The following NOTCH3 variants were observed in gnomAD, a reference collection of about 807,000 sequenced individuals.
NOTCH3 encodes neurogenic locus notch homolog protein 3.
Under a neutral mutation model 213.3 loss-of-function variants are expected in NOTCH3, and 86 were observed. That is an observed-to-expected ratio of 0.40 (90% CI 0.34 to 0.48). The LOEUF (loss-of-function observed/expected upper bound fraction) is 0.48, where lower values mean the gene tolerates loss of function less well. Among genes scored for constraint, NOTCH3 ranks in the 20% least tolerant of loss-of-function variants. NOTCH3 has a pLI of 0.57. For synonymous variants in NOTCH3, 1,354 were observed against 1,355.9 expected (o/e 1.00, Z 0.03); for missense variants, 2,783 against 3,272.6 (o/e 0.85, Z 3.65).
chr19:15,170,263 G>A (rs1331828503), intron 27 of NOTCH3, 68 bp downstream of exon 27: 1 of 1,535,718 alleles, frequency 6.5e-7, no homozygotes, highest in East Asian at 2.3e-5. Context: ...GTCTGAGTCA[G>A]GTCAAGGCGG....
Position 15,178,922 on chromosome 19 carries a change from G to A in NOTCH3, c.3738C>T (p.Val1246=), listed in dbSNP as rs1376695360. The A allele has an allele frequency of 6.2e-7, 1 of 1,613,806 alleles. No individual in the cohort carries two copies. The highest frequency in any genetic ancestry group is 1.7e-5 in the Admixed American group (1 of 59,980). The change falls in exon 23 of 33, where the codon GTC becomes GTT. Residue 1246 remains valine (V), a synonymous_variant. Coordinates refer to ENST00000263388, the MANE Select transcript of NOTCH3 (RefSeq NM_000435.3). The part of the protein sequence containing the change: ...AGFSGPRCQT[V]LSPCESQPCQ... ...ATGGCTGGGACTCGCAGGGAGACAG[G>A]ACAGTCTGACAGCGAGGACCTGAGC...
In NOTCH3 at chr19:15,165,685, C is replaced by T; in HGVS notation, c.5667+102G>A. The T allele has an allele frequency of 7.0e-7, 1 of 1,435,328 alleles. No homozygotes were observed. Among genetic ancestry groups the T allele is most frequent in the Non-Finnish European group, 9.5e-7 (1 of 1,050,210 alleles). The allele number at this position is 1,435,328 out of a possible 1,614,324, so 88.9% of individuals were successfully genotyped here. On this transcript the variant is annotated intron_variant, in intron 30 of 32. Transcript: ENST00000263388. This position sits in a 1 kb window ranked among gnomAD's most constrained non-coding sequence, Gnocchi z 4.7. ...TGTATTCCCATATATCCCCATTTTC[C>T]AAATGAGAAAAAATGAGTCTGAAAG...
intron 6 of NOTCH3, among the ~76,000 whole-genome samples, chr19:15,190,855 G>A (rs2046921167): frequency 6.6e-6 from 1 of 150,700 alleles, no homozygotes; most frequent in South Asian, 2.1e-4. Flanking sequence ...CCAATGTGTT[G>A]GGGTTACAGG....
At position 15,160,616 on chromosome 19, in the gene NOTCH3, ACG is replaced by A; in HGVS notation, c.*44_*45del. Reference sequence around the variant, plus strand: ...GAGACAGAGAAAGAAAGGAGGCAGGACGGGGGTCTCTTTAGGCCCCCAAGATC... The same window carrying A: ...GAGACAGAGAAAGAAAGGAGGCAGGAGGGGTCTCTTTAGGCCCCCAAGATC... On this transcript the variant is annotated 3_prime_UTR_variant, in exon 33 of 33. Transcript: ENST00000263388. 7.3e-6 allele frequency: 10 copies of A among 1,370,690 alleles called. No individual in the cohort carries two copies. Among genetic ancestry groups the A allele is most frequent in the Non-Finnish European group, 1.0e-5 (10 of 957,672 alleles). The allele number at this position is 1,370,690 out of a possible 1,614,324, so 84.9% of individuals were successfully genotyped here. A position where few individuals can be genotyped will look rare whatever the true frequency, so the allele number is the denominator to read the frequency against.
intron 6 of NOTCH3, among the ~76,000 whole-genome samples, chr19:15,190,984 G>T (rs2046922048): frequency 3.3e-5 from 5 of 152,000 alleles, no homozygotes; most frequent in Admixed American, 2.6e-4. Context: ...GCCTCCCAAA[G>T]TGCTGGGATT....
At chr19:15,181,400 G>T (rs1479487522) in intron 17 of NOTCH3, among the ~76,000 whole-genome samples, 176 bp downstream of exon 17, 1 of 152,194 alleles carries the variant, frequency 6.6e-6, no homozygotes. Context: ...AGACTCCAAG[G>T]TGAGCTCCAA....
chr19:15,169,865 G>T (rs1859385), intron 28 of NOTCH3, among the ~76,000 whole-genome samples: 1 of 152,054 alleles, frequency 6.6e-6, no homozygotes, highest in Non-Finnish European at 1.5e-5. Flanking sequence ...CCACCTGCCC[G>T]GAGGGACCCT....
chr19:15,184,694 G>C (rs1232365672), intron 15 of NOTCH3, among the ~76,000 whole-genome samples: 3 of 152,160 alleles, frequency 2.0e-5, no homozygotes, highest in African/African-American at 7.2e-5. Context: ...CCCGCCCTAA[G>C]TCCCAGCATC....
At chr19:15,161,938 G>A (rs947349373) in intron 32 of NOTCH3, among the ~76,000 whole-genome samples, 3 of 149,962 alleles carry the variant, frequency 2.0e-5, no homozygotes, top group Non-Finnish European at 4.4e-5. Flanking sequence ...ACTAGGGTGA[G>A]TTAAGCGAGG....
Position 15,191,780 on chromosome 19 carries a change from T to C in NOTCH3, c.767A>G (p.Asn256Ser). 1 of 1,613,948 alleles carries C rather than the reference T, an allele frequency of 6.2e-7. No individual in the cohort carries two copies. Among genetic ancestry groups the C allele is most frequent in the Non-Finnish European group, 8.5e-7 (1 of 1,180,042 alleles). Residue 256 changes from asparagine to serine, a missense_variant, in exon 5 of 33, where the codon AAC becomes AGC. This residue lies in a region of NOTCH3 where 708 missense variants were observed against 906.6 expected (regional missense o/e 0.78). Transcript: ENST00000263388. ...LNGGTCVDGV[N>S]TYNCQCPPEW... ...AGGAGGGCACTGGCAGTTATAGGTG[T>C]TGACGCCATCCACGCATGTCCCCCC...
chr19:15,184,872 G>T, intron 15 of NOTCH3, 34 bp downstream of exon 15: 1 of 1,187,190 alleles, frequency 8.4e-7, no homozygotes, highest in Non-Finnish European at 1.2e-6. Context: ...CAGAGGAGAT[G>T]GAGAGGAGGA....
Position 15,160,962 on chromosome 19 carries a change from C to G in NOTCH3, c.6666G>C (p.Pro2222=). The change falls in exon 33 of 33, where the codon CCG becomes CCC. Residue 2222 remains proline (P), a synonymous_variant. Coordinates refer to ENST00000263388, the MANE Select transcript of NOTCH3 (RefSeq NM_000435.3). ...LAVPGHGEEY[P]AAGAHSSPPK... ...GGGGGCTGCTGTGTGCCCCAGCCGC[C>G]GGGTACTCCTCGCCATGTCCTGGGA... 10 of 1,575,808 alleles carry G rather than the reference C, an allele frequency of 6.3e-6. No individual in the cohort carries two copies. The highest frequency in any genetic ancestry group is 8.6e-6 in the Non-Finnish European group (10 of 1,161,328).
At position 15,160,171 on chromosome 19, in the gene NOTCH3, G is replaced by A. The variant is rs2145378527; in HGVS notation, c.*491C>T. On this transcript the variant is annotated 3_prime_UTR_variant, in exon 33 of 33. Coordinates refer to ENST00000263388, the MANE Select transcript of NOTCH3 (RefSeq NM_000435.3). Reference sequence around the variant, plus strand: ...TACTAGGTACACAGAATCCAGCTTGGCCGAATGGGCCCACAGACTCAGCCC... The same window carrying A: ...TACTAGGTACACAGAATCCAGCTTGACCGAATGGGCCCACAGACTCAGCCC... 4.2e-6 allele frequency: 1 copy of A among 239,504 alleles called. No homozygotes were observed. The highest frequency in any genetic ancestry group is 6.0e-5 in the East Asian group (1 of 16,748). 14.8% of individuals were successfully genotyped at this position (239,504 alleles called of 1,614,324 possible).
intron 23 of NOTCH3, chr19:15,178,355 C>G (rs2046810004): frequency 2.0e-6 from 1 of 510,042 alleles, no homozygotes; most frequent in African/African-American, 1.9e-5. Context: ...TCACCCTTTT[C>G]CCTTCAAACC....
chr19:15,191,016 C>T (rs777344076), intron 6 of NOTCH3, among the ~76,000 whole-genome samples: 4 of 151,944 alleles, frequency 2.6e-5, no homozygotes, highest in Non-Finnish European at 4.4e-5. Context: ...CCACTGTGCC[C>T]GGCCTAGCAT....
At chr19:15,194,935 CAACAAG>C (rs2046957647) in intron 2 of NOTCH3, among the ~76,000 whole-genome samples, 3 of 133,606 alleles carry the variant, frequency 2.2e-5, no homozygotes, top group Admixed American at 1.7e-4. Flanking sequence ...CCAGCCTGGG[CAACAAG>C]AGCGATACTC....
chr19:15,160,324 T>G lies in NOTCH3; in HGVS notation c.*338A>C, dbSNP rs7247906. The G allele has an allele frequency of 0.9, 224,978 of 250,584 alleles. 101,400 individuals carry two copies. Among genetic ancestry groups the G allele is most frequent in the African/African-American group, 0.98 (44,768 of 45,786 alleles). 15.5% of individuals were successfully genotyped at this position (250,584 alleles called of 1,614,324 possible). On this transcript the variant is annotated 3_prime_UTR_variant, in exon 33 of 33. Transcript: ENST00000263388. Reference sequence around the variant, plus strand: ...CAAAATGTAAAAAAAAAAAGAAAAATAAAAATAATAATAATTCATTCATGT... The same window carrying G: ...CAAAATGTAAAAAAAAAAAGAAAAAGAAAAATAATAATAATTCATTCATGT...
At chr19:15,163,820 T>C (rs1187098797) in intron 31 of NOTCH3, among the ~76,000 whole-genome samples, 1 of 151,978 alleles carries the variant, frequency 6.6e-6, no homozygotes, top group Non-Finnish European at 1.5e-5. Context: ...GACAGAGTGA[T>C]ACCCTATGTC....
rs1357637703 is a variant in NOTCH3 at position 15,165,400 on chromosome 19, C to T, written c.5783G>A (p.Ser1928Asn). 1 of 1,609,672 alleles carries T rather than the reference C, an allele frequency of 6.2e-7. No individual in the cohort carries two copies. Among genetic ancestry groups the T allele is most frequent in the Admixed American group, 1.7e-5 (1 of 60,022 alleles). Residue 1928 changes from serine to asparagine, a missense_variant, in exon 31 of 33, where the codon AGC becomes AAC. Physicochemically the swap from Ser to Asn is conservative, Grantham distance 46. Transcript: ENST00000263388. This position sits in a 1 kb window ranked among gnomAD's most constrained non-coding sequence, Gnocchi z 4.7. ...VEGMVEELIA[S>N]HADVNAVDEL... The stretch of plus-strand genomic sequence containing the variant: ...ATCCACAGCATTGACATCAGCATGG[C>T]TGGCGATGAGCTCTTCCACCATGCC...
Sources: allele counts gnomAD v4.1 joint callset (sites outside exome capture counted in the v4.1 genomes callset), GRCh38; gene constraint gnomAD v4.1.1; regional missense constraint gnomAD v4.1.1; non-coding constraint Gnocchi (gnomAD v3.1); transcripts MANE v1.5; gene names NCBI Gene and HGNC (gene_info 2026-07-23, HGNC 2026-07-21).